Variants in RASGRF2 observed in about 807,000 individuals in gnomAD.
The protein encoded by RASGRF2 is ras-specific guanine nucleotide-releasing factor 2.
A neutral mutation model predicts 151.0 loss-of-function variants in RASGRF2; 76 were observed. The observed-to-expected ratio is 0.50, with a 90% CI of 0.42 to 0.61. The LOEUF (loss-of-function observed/expected upper bound fraction) is 0.61, where lower values mean the gene tolerates loss of function less well. RASGRF2 is among the 20% of genes least tolerant of loss of function. The pLI, the probability that RASGRF2 is intolerant of heterozygous loss-of-function variation, is 0.00. For missense variants in RASGRF2, 1,148 were observed against 1,564.6 expected (o/e 0.73, Z 4.49); for synonymous variants, 504 against 566.5 (o/e 0.89, Z 1.57).
chr5:80,988,897 A>G (rs1349029524), intron 1 of RASGRF2, among the ~76,000 whole-genome samples: 1 of 152,166 alleles, frequency 6.6e-6, no homozygotes, highest in Admixed American at 6.5e-5. Context: ...TGCCCTAATG[A>G]TTGTAAATTT....
chr5:81,030,114 A>G (rs995745982), intron 1 of RASGRF2, among the ~76,000 whole-genome samples: 1 of 152,218 alleles, frequency 6.6e-6, no homozygotes, highest in African/African-American at 2.4e-5. Context: ...AAAAGAGTAA[A>G]AAGAAACAAA....
In RASGRF2 at chr5:81,040,959, T is replaced by C. The variant is rs541129688; in HGVS notation, c.289-1918T>C. The stretch of plus-strand genomic sequence containing the variant: ...TGTTTTAAAGCATTTTGAAACTTTA[T>C]AGGCTAGAGCATATCTTCAGATAGC... On this transcript the variant is annotated intron_variant, in intron 1 of 26. Transcript: ENST00000265080. Among the ~76,000 whole-genome samples the C allele has an allele frequency of 1.6e-4, 24 of 152,336 alleles. No homozygotes were observed. In the South Asian group the frequency reaches 4.4e-3, roughly 28 times the overall value.
At chr5:81,009,327 C>T (rs954405845) in intron 1 of RASGRF2, among the ~76,000 whole-genome samples, 1 of 152,176 alleles carries the variant, frequency 6.6e-6, no homozygotes, top group South Asian at 2.1e-4. Flanking sequence ...TTCCCTTATA[C>T]CCTGAGAGCA....
chr5:81,121,117 C>CT (rs1208976013), intron 15 of RASGRF2, among the ~76,000 whole-genome samples: 2 of 151,916 alleles, frequency 1.3e-5, no homozygotes, highest in Admixed American at 1.3e-4. Context: ...TGTGTGATGT[C>CT]TGTAAGAGCC....
Position 81,042,894 on chromosome 5 carries a change from T to C in RASGRF2, c.306T>C (p.Leu102=), listed in dbSNP as rs2112394439. 6.2e-7 allele frequency: 1 copy of C among 1,611,572 alleles called. No homozygotes were observed. Among genetic ancestry groups the C allele is most frequent in the South Asian group, 1.1e-5 (1 of 90,190 alleles). Residue 102 remains leucine (L), a synonymous_variant, in exon 2 of 27, where the codon CTT becomes CTC. Transcript: ENST00000265080. The part of the protein sequence containing the change: ...ALDKQYYFTV[L]FGHEGQKPLE... Reference sequence around the variant, plus strand: ...CTTTCCAGTATTACTTTACTGTTCTTTTTGGCCATGAAGGTCAGAAGCCAC... The same window carrying C: ...CTTTCCAGTATTACTTTACTGTTCTCTTTGGCCATGAAGGTCAGAAGCCAC...
At chr5:81,003,353 G>A (rs1232292689) in intron 1 of RASGRF2, among the ~76,000 whole-genome samples, 1 of 151,694 alleles carries the variant, frequency 6.6e-6, no homozygotes, top group African/African-American at 2.4e-5. Context: ...CTCCTGAGTA[G>A]CTGGGACTAC....
intron 19 of RASGRF2, among the ~76,000 whole-genome samples, chr5:81,205,400 A>C (rs1755483634): frequency 6.6e-6 from 1 of 152,212 alleles, no homozygotes; most frequent in Non-Finnish European, 1.5e-5. Flanking sequence ...CTTATCTGTA[A>C]AACGGAGATC....
At chr5:81,044,905 T>C (rs1017032203) in intron 2 of RASGRF2, among the ~76,000 whole-genome samples, 1 of 152,100 alleles carries the variant, frequency 6.6e-6, no homozygotes, top group Non-Finnish European at 1.5e-5. Flanking sequence ...GGGTTGAGAG[T>C]AGAAGATGTT....
chr5:81,168,254 A>G (rs534734212), intron 17 of RASGRF2, among the ~76,000 whole-genome samples: 1 of 143,820 alleles, frequency 7.0e-6, no homozygotes, highest in Non-Finnish European at 1.5e-5. Context: ...ATTGACATCA[A>G]TTTCCCCCTT....
In RASGRF2 at chr5:80,989,607, A is replaced by C. The variant is rs80154446; in HGVS notation, c.288+28581A>C. ...TGGCGCTACTACTGTAGAGTGAAAA[A>C]ATGTTTTCATAAAGTGCCACATCGT... On this transcript the variant is annotated intron_variant, in intron 1 of 26. Coordinates refer to ENST00000265080, the MANE Select transcript of RASGRF2 (RefSeq NM_006909.3). 5.2e-3 allele frequency among the ~76,000 whole-genome samples: 799 copies of C among 152,302 alleles called. 5 individuals are homozygous for C. The highest frequency in any genetic ancestry group is 0.018 in the African/African-American group (746 of 41,570).
At chr5:81,031,046 A>G (rs1238286196) in intron 1 of RASGRF2, among the ~76,000 whole-genome samples, 2 of 152,256 alleles carry the variant, frequency 1.3e-5, no homozygotes, top group Non-Finnish European at 2.9e-5. Context: ...ATCAAAAGAG[A>G]CAAAGAAGGC....
intron 21 of RASGRF2, 29 bp downstream of exon 21, chr5:81,207,378 C>T (rs1222330020): frequency 1.3e-6 from 2 of 1,569,672 alleles, no homozygotes; most frequent in Admixed American, 1.7e-5. Context: ...AGCAGCAGGG[C>T]TCGGCTGCTC....
intron 17 of RASGRF2, among the ~76,000 whole-genome samples, chr5:81,143,293 G>T (rs767047004): frequency 4.0e-5 from 6 of 151,688 alleles, no homozygotes; most frequent in Admixed American, 6.6e-5. Context: ...GATTACAGGC[G>T]CATGCTACCA....
chr5:80,962,399 A>G (rs1230589357), intron 1 of RASGRF2, among the ~76,000 whole-genome samples: 1 of 152,118 alleles, frequency 6.6e-6, no homozygotes, highest in Admixed American at 6.5e-5. Context: ...ATTTTTTTTC[A>G]GGAATATATA....
In RASGRF2 at chr5:80,961,034, G is replaced by T. The variant is rs758471474; in HGVS notation, c.288+8G>T. On this transcript the variant is annotated splice_region_variant and intron_variant, in intron 1 of 26. Coordinates refer to ENST00000265080, the MANE Select transcript of RASGRF2 (RefSeq NM_006909.3). ...GACGCGCTGGACAAGCAGGTACCGC[G>T]CGCCTTCTCTCCGCGGTCTCCCAGC... is the stretch of plus-strand genomic sequence containing the variant. 93 of 1,452,154 alleles carry T rather than the reference G, an allele frequency of 6.4e-5. No homozygotes were observed. The East Asian group carries it at 2.3e-3, about 36-fold the overall frequency. The allele number at this position is 1,452,154 out of a possible 1,614,324, so 90.0% of individuals were successfully genotyped here.
Position 81,212,580 on chromosome 5 carries a change from GAC to G in RASGRF2, c.3354+21_3354+22del, listed in dbSNP as rs778920337. 18 of 1,588,360 alleles carry G rather than the reference GAC, an allele frequency of 1.1e-5. No homozygotes were observed. The highest frequency in any genetic ancestry group is 1.4e-5 in the Non-Finnish European group (16 of 1,165,070). On this transcript the variant is annotated intron_variant, in intron 23 of 26. Transcript: ENST00000265080. The stretch of plus-strand genomic sequence containing the variant: ...TCTAAGCAGGTGAGCCTCAGCGTGT[GAC>G]ACAGCCTGCTGCTAAGAGGAGGAGA...
intron 26 of RASGRF2, among the ~76,000 whole-genome samples, chr5:81,224,066 C>A (rs1335976915): frequency 6.6e-6 from 1 of 152,080 alleles, no homozygotes; most frequent in Non-Finnish European, 1.5e-5. Context: ...AATGAGACAA[C>A]ATTTGCAACA....
intron 2 of RASGRF2, among the ~76,000 whole-genome samples, chr5:81,045,795 T>C (rs908597053): frequency 6.6e-6 from 1 of 152,212 alleles, no homozygotes; most frequent in Non-Finnish European, 1.5e-5. Context: ...AACTTTTTTA[T>C]CTAAGCTTGA....
intron 2 of RASGRF2, among the ~76,000 whole-genome samples, chr5:81,058,231 C>A (rs1751294186): frequency 7.8e-6 from 1 of 128,076 alleles, no homozygotes; most frequent in Non-Finnish European, 1.8e-5. Context: ...GGGAGTTGAA[C>A]TAAAAAGCGA....
Sources: allele counts gnomAD v4.1 joint callset (sites outside exome capture counted in the v4.1 genomes callset), GRCh38; gene constraint gnomAD v4.1.1; transcripts MANE v1.5; gene names NCBI Gene and HGNC (gene_info 2026-07-23, HGNC 2026-07-21).